Variants in SPHKAP observed in about 807,000 individuals in gnomAD.
SPHKAP encodes the protein A-kinase anchor protein SPHKAP.
A neutral mutation model predicts 137.5 loss-of-function variants in SPHKAP; 67 were observed. That is an observed-to-expected ratio of 0.49 (90% confidence interval 0.40 to 0.60). SPHKAP has a LOEUF of 0.60. Among genes scored for constraint, SPHKAP ranks in the 20% least tolerant of loss-of-function variants. SPHKAP has a pLI of 0.00. For missense variants in SPHKAP, 2,097 were observed against 2,069.3 expected (o/e 1.01, Z -0.26); for synonymous variants, 813 against 785.3 (o/e 1.04, Z -0.59).
In SPHKAP at chr2:227,991,189, G is replaced by A; in HGVS notation, c.4775-5C>T. 6.2e-7 allele frequency: 1 copy of A among 1,614,102 alleles called. No individual in the cohort carries two copies. Among genetic ancestry groups the A allele is most frequent in the African/African-American group, 1.3e-5 (1 of 75,044 alleles). Reference sequence around the variant, plus strand: ...TAGGCGGTCCAGATGCAGGTGCTGAGAACAGACACAACCACAGCCTTATCC... The same window carrying A: ...TAGGCGGTCCAGATGCAGGTGCTGAAAACAGACACAACCACAGCCTTATCC... On this transcript the variant is annotated splice_region_variant and splice_polypyrimidine_tract_variant and intron_variant, in intron 10 of 11. Transcript: ENST00000392056.
At chr2:228,139,841 T>C (rs934487380) in intron 1 of SPHKAP, among the ~76,000 whole-genome samples, 23 of 151,438 alleles carry the variant, frequency 1.5e-4, no homozygotes, top group African/African-American at 5.1e-4. Context: ...TGTGCATATT[T>C]ATACATGAAT....
rs139665446 is a variant in SPHKAP at position 228,111,033 on chromosome 2, G to A, written c.139-2094C>T. On this transcript the variant is annotated intron_variant, in intron 2 of 11. Transcript: ENST00000392056. ...ATCTCTCTAAACGAGAGTTTCTTGA[G>A]GTCCCTAATATTTTTCTTAGAGTGC... Among the ~76,000 whole-genome samples the A allele has an allele frequency of 7.8e-3, 1,182 of 152,032 alleles. 13 individuals carry two copies. The highest frequency in any genetic ancestry group is 0.027 in the African/African-American group (1,103 of 41,462).
intron 3 of SPHKAP, among the ~76,000 whole-genome samples, chr2:228,031,604 C>T (rs565105394): frequency 8.5e-5 from 13 of 152,312 alleles, no homozygotes; most frequent in African/African-American, 2.9e-4. Context: ...CAGCCTAACT[C>T]GGAGGCACCC....
chr2:228,176,855 A>G (rs1324190550), intron 1 of SPHKAP, among the ~76,000 whole-genome samples: 3 of 152,234 alleles, frequency 2.0e-5, no homozygotes, highest in Non-Finnish European at 4.4e-5. Flanking sequence ...AGCCTGGGCA[A>G]CAAGAGCGAA....
intron 1 of SPHKAP, among the ~76,000 whole-genome samples, chr2:228,179,867 G>A (rs1315359584): frequency 1.3e-5 from 2 of 152,128 alleles, no homozygotes; most frequent in Admixed American, 1.3e-4. Context: ...GGATTCAGGC[G>A]CAGCTATATT....
intron 3 of SPHKAP, among the ~76,000 whole-genome samples, chr2:228,079,918 T>C (rs1697307006): frequency 6.6e-6 from 1 of 152,200 alleles, no homozygotes; most frequent in Non-Finnish European, 1.5e-5. Context: ...CCACGCCATG[T>C]GCATATCCAC....
chr2:228,007,029 A>G (rs999521676), intron 7 of SPHKAP, among the ~76,000 whole-genome samples: 1 of 152,160 alleles, frequency 6.6e-6, no homozygotes, highest in Non-Finnish European at 1.5e-5. Flanking sequence ...TCATATCTCC[A>G]ACTCTATGCT....
chr2:228,018,486 CA>C lies in SPHKAP; in HGVS notation c.2367del (p.Asp789GlufsTer12), dbSNP rs1422950368. The C allele has an allele frequency of 1.4e-5, 23 of 1,614,022 alleles. No homozygotes were observed. The highest frequency in any genetic ancestry group is 1.9e-5 in the Non-Finnish European group (23 of 1,180,018). ...CCCTTGTCTTGTTTTGAATACATGC[CA>C]TCCACAAGATTGTTGATGACAAGAC... is the stretch of plus-strand genomic sequence containing the variant. The part of the protein sequence containing the change: ...NTSLVINNLV[D>X]GMYSKQDKGG... On this transcript the variant is annotated frameshift_variant, in exon 7 of 12. Coordinates refer to ENST00000392056, the MANE Select transcript of SPHKAP (RefSeq NM_001142644.2). LOFTEE classifies it high-confidence loss of function.
At chr2:228,141,543 T>C (rs1490765086) in intron 1 of SPHKAP, among the ~76,000 whole-genome samples, 3 of 152,224 alleles carry the variant, frequency 2.0e-5, no homozygotes. Flanking sequence ...GCACTTTTCT[T>C]AGAGCTAGGA....
intron 3 of SPHKAP, 109 bp from the exon 4 acceptor site, chr2:228,027,652 T>C: frequency 9.3e-7 from 1 of 1,076,896 alleles, no homozygotes; most frequent in Non-Finnish European, 1.4e-6. Flanking sequence ...GTCTTCCACA[T>C]CTTAGACAGT....
chr2:228,145,003 T>C (rs1315483591), intron 1 of SPHKAP, among the ~76,000 whole-genome samples: 1 of 152,166 alleles, frequency 6.6e-6, no homozygotes, highest in Non-Finnish European at 1.5e-5. Context: ...ATGTGTTGCC[T>C]CCCCCATATC....
intron 2 of SPHKAP, among the ~76,000 whole-genome samples, chr2:228,113,186 A>G (rs550690468): frequency 8.3e-5 from 11 of 131,878 alleles, no homozygotes; most frequent in Non-Finnish European, 1.5e-4. Flanking sequence ...AAAATAAGAT[A>G]TATTTTTCCA....
intron 3 of SPHKAP, among the ~76,000 whole-genome samples, chr2:228,097,384 AT>A (rs1698019325): frequency 6.6e-6 from 1 of 152,230 alleles, no homozygotes; most frequent in African/African-American, 2.4e-5. Context: ...TACATAAAAC[AT>A]TTCATTATAT....
At chr2:228,045,796 G>T (rs567216831) in intron 3 of SPHKAP, among the ~76,000 whole-genome samples, 3 of 151,966 alleles carry the variant, frequency 2.0e-5, no homozygotes, top group Non-Finnish European at 4.4e-5. Flanking sequence ...CATTATGCTA[G>T]ATGAAATAAG....
chr2:228,024,746 A>G (rs1694968567), intron 5 of SPHKAP, among the ~76,000 whole-genome samples: 1 of 152,114 alleles, frequency 6.6e-6, no homozygotes, highest in Admixed American at 6.6e-5. Flanking sequence ...CTTTATGTGT[A>G]TTTTTCTTGT....
chr2:228,030,513 C>CAAAAAAAAAAAAAAAAAACAAAAA (rs1695251952), intron 3 of SPHKAP, among the ~76,000 whole-genome samples: 2 of 48,770 alleles, frequency 4.1e-5, no homozygotes, highest in African/African-American at 7.4e-5. Flanking sequence ...GATACCATCT[C>CAAAAAAAAAAAAAAAAAACAAAAA]AAAAAAAAAA....
At chr2:227,987,296 G>A (rs556962555) in intron 11 of SPHKAP, among the ~76,000 whole-genome samples, 161 of 152,254 alleles carry the variant, frequency 1.1e-3, no homozygotes, top group Non-Finnish European at 1.7e-3. Flanking sequence ...ACTGTTCTCC[G>A]TGTGCTTCTT....
At chr2:228,143,853 A>G (rs1699684173) in intron 1 of SPHKAP, among the ~76,000 whole-genome samples, 1 of 151,936 alleles carries the variant, frequency 6.6e-6, no homozygotes, top group Admixed American at 6.6e-5. Flanking sequence ...TCTGCATTTT[A>G]TTTCAAGCAA....
chr2:228,085,877 A>G (rs1697522463), intron 3 of SPHKAP, among the ~76,000 whole-genome samples: 1 of 152,096 alleles, frequency 6.6e-6, no homozygotes, highest in Non-Finnish European at 1.5e-5. Flanking sequence ...CAAAAATGAG[A>G]TGTTCTTCCT....
Sources: allele counts gnomAD v4.1 joint callset (sites outside exome capture counted in the v4.1 genomes callset), GRCh38; gene constraint gnomAD v4.1.1; transcripts MANE v1.5; gene names NCBI Gene and HGNC (gene_info 2026-07-23, HGNC 2026-07-21).